ZNF516: variants seen among roughly 807,000 people sequenced by gnomAD.
ZNF516 encodes the protein zinc finger protein 516.
In ZNF516, 19 loss-of-function variants were observed where a neutral mutation model predicts 79.7. The ratio of observed to expected loss-of-function variants is 0.24; its 90% CI spans 0.17 to 0.35. The LOEUF (loss-of-function observed/expected upper bound fraction) is 0.35. Ranked by LOEUF, ZNF516 falls within the 10% of genes least tolerant of loss-of-function variation. ZNF516 has a pLI of 1.00. For synonymous variants in ZNF516, 877 were observed against 739.5 expected (o/e 1.19, Z -3.02); for missense variants, 1,678 against 1,679.5 (o/e 1.00, Z 0.02).
chr18:76,375,218 AAAAC>A (rs1290046102), intron 4 of ZNF516, among the ~76,000 whole-genome samples: 1 of 152,202 alleles, frequency 6.6e-6, no homozygotes, highest in African/African-American at 2.4e-5. Flanking sequence ...AAGGGCGTCA[AAAAC>A]AAACATTCAA....
intron 1 of ZNF516, among the ~76,000 whole-genome samples, chr18:76,468,149 C>G (rs1913603260): frequency 6.6e-6 from 1 of 152,214 alleles, no homozygotes; most frequent in Non-Finnish European, 1.5e-5. Flanking sequence ...TAGAGAACTT[C>G]TGCTCTCTAT....
At chr18:76,445,585 A>G (rs1014240765) in intron 2 of ZNF516, among the ~76,000 whole-genome samples, 1 of 152,272 alleles carries the variant, frequency 6.6e-6, no homozygotes, top group African/African-American at 2.4e-5. Context: ...GAACAATCAT[A>G]TAGAAAATAC....
chr18:76,473,905 G>GTGTGTGGC (rs1555718873), intron 1 of ZNF516, among the ~76,000 whole-genome samples: 1 of 8,288 alleles, frequency 1.2e-4, no homozygotes, highest in Non-Finnish European at 3.5e-4. Context: ...TTTTTGTGTG[G>GTGTGTGGC]GGGGGGGGGG....
intron 3 of ZNF516, among the ~76,000 whole-genome samples, chr18:76,412,175 C>G (rs976267272): frequency 6.6e-6 from 1 of 152,192 alleles, no homozygotes; most frequent in African/African-American, 2.4e-5. Flanking sequence ...ACTAATGATT[C>G]ACAGCTCCCT....
chr18:76,409,632 C>T (rs1263454394), intron 3 of ZNF516, among the ~76,000 whole-genome samples: 1 of 152,268 alleles, frequency 6.6e-6, no homozygotes, highest in African/African-American at 2.4e-5. Context: ...TGCTCAGTGG[C>T]CAGTCTGGAT....
chr18:76,446,736 C>T (rs1912073936), intron 2 of ZNF516, among the ~76,000 whole-genome samples: 1 of 152,240 alleles, frequency 6.6e-6, no homozygotes, highest in Admixed American at 6.5e-5. Context: ...CTGCGATCAA[C>T]AAAGCAAGCT....
rs764547891 is a variant in ZNF516 at position 76,441,398 on chromosome 18, G to A, written c.1657C>T (p.Arg553Trp). Residue 553 changes from arginine to tryptophan, a missense_variant, in exon 3 of 7, where the codon CGG (arginine) becomes TGG (tryptophan). Coordinates refer to ENST00000443185, the MANE Select transcript of ZNF516 (RefSeq NM_014643.4). ...ERDSDGDRAA[R>W]ARCGSLSEGD... ...TCACTGAGTGATCCGCAGCGGGCCC[G>A]CGCCGCCCTGTCCCCGTCACTGTCC... 5.0e-6 allele frequency: 8 copies of A among 1,609,126 alleles called. No homozygotes were observed. Among genetic ancestry groups the A allele is most frequent in the African/African-American group, 1.3e-5 (1 of 74,844 alleles).
intron 3 of ZNF516, chr18:76,386,806 C>T (rs1347072536): frequency 1.3e-5 from 2 of 152,182 alleles, no homozygotes; most frequent in Non-Finnish European, 2.9e-5. Context: ...GACAATTTTA[C>T]CCACACATGT....
rs1223682467 is a variant in ZNF516, at chr18:76,362,368, G to A, written c.*130C>T. Reference sequence around the variant, plus strand: ...CCAGCGCAGCGGCTCGGGATGTGAGGTGTCTGCTCAGGAGTTCCCCGGCTG... The same window carrying A: ...CCAGCGCAGCGGCTCGGGATGTGAGATGTCTGCTCAGGAGTTCCCCGGCTG... On this transcript the variant is annotated 3_prime_UTR_variant, in exon 7 of 7. Transcript: ENST00000443185. The A allele has an allele frequency of 1.3e-6, 1 of 778,910 alleles. No homozygotes were observed. The highest frequency in any genetic ancestry group is 1.7e-5 in the African/African-American group (1 of 57,928). The allele number at this position is 778,910 out of a possible 1,614,324, so 48.2% of individuals were successfully genotyped here.
chr18:76,416,478 G>A (rs946292714), intron 3 of ZNF516, among the ~76,000 whole-genome samples: 9 of 152,156 alleles, frequency 5.9e-5, no homozygotes, highest in African/African-American at 2.2e-4. Flanking sequence ...TACTGTTTGG[G>A]GGTTTGGGGA....
rs1334886306 is a variant in ZNF516 at position 76,361,114 on chromosome 18, G to A, written c.*1384C>T. 1 of 151,666 alleles carries A rather than the reference G, an allele frequency of 6.6e-6. No individual in the cohort carries two copies. Among genetic ancestry groups the A allele is most frequent in the African/African-American group, 2.4e-5 (1 of 41,234 alleles). 9.4% of individuals were successfully genotyped at this position (151,666 alleles called of 1,614,324 possible). ...AATTTCACAATTAAAAAAAAACCTAGTAAAGCTTTTGCAAAAAATTTCACA... is the reference window on the plus strand; with the variant it reads ...AATTTCACAATTAAAAAAAAACCTAATAAAGCTTTTGCAAAAAATTTCACA... On this transcript the variant is annotated 3_prime_UTR_variant, in exon 7 of 7. Transcript: ENST00000443185.
intron 1 of ZNF516, chr18:76,492,431 G>A (rs1915285450): frequency 1.1e-6 from 1 of 940,126 alleles, no homozygotes; most frequent in Non-Finnish European, 1.3e-6. Flanking sequence ...GCGTTCAGGA[G>A]GCGGGTGGGC....
intron 1 of ZNF516, among the ~76,000 whole-genome samples, chr18:76,481,131 C>T (rs1053065551): frequency 1.3e-5 from 2 of 152,196 alleles, no homozygotes; most frequent in Non-Finnish European, 2.9e-5. Context: ...ACCTAGGATC[C>T]AAGGCCACTG....
At chr18:76,495,861 G>A (rs1915462684), upstream of ZNF516, 6 of 605,358 alleles carry the variant, frequency 9.9e-6, no homozygotes, top group South Asian at 1.6e-4. Flanking sequence ...GGGGTGTTCA[G>A]ATGCAGGATC....
At chr18:76,473,633 C>T (rs1174405666) in intron 1 of ZNF516, among the ~76,000 whole-genome samples, 2 of 151,840 alleles carry the variant, frequency 1.3e-5, no homozygotes, top group Non-Finnish European at 2.9e-5. Context: ...AACCCTGTCT[C>T]TACTAAAAAT....
intron 1 of ZNF516, among the ~76,000 whole-genome samples, chr18:76,494,831 C>T (rs1470623162): frequency 1.3e-5 from 2 of 151,324 alleles, no homozygotes; most frequent in Non-Finnish European, 3.0e-5. Flanking sequence ...GCCTCTTCCG[C>T]GCTCCCACCC....
chr18:76,438,426 A>T (rs2075773613), intron 3 of ZNF516, among the ~76,000 whole-genome samples: 1 of 152,136 alleles, frequency 6.6e-6, no homozygotes, highest in African/African-American at 2.4e-5. Context: ...CCTCTTTCTT[A>T]CTAAAAATAT....
chr18:76,415,141 T>A (rs1599051907), intron 3 of ZNF516, among the ~76,000 whole-genome samples: 2 of 151,992 alleles, frequency 1.3e-5, no homozygotes, highest in South Asian at 4.1e-4. Flanking sequence ...AAGGTTGCAG[T>A]GAGCCAGGAT....
intron 4 of ZNF516, among the ~76,000 whole-genome samples, chr18:76,374,490 T>C (rs1002998672): frequency 6.6e-6 from 1 of 152,242 alleles, no homozygotes; most frequent in African/African-American, 2.4e-5. Context: ...AGACTCTTCA[T>C]ATCTACAGAA....
Sources: gnomAD v4.1 joint callset for allele counts (sites outside exome capture counted in the v4.1 genomes callset) on GRCh38, gnomAD v4.1.1 for gene constraint, MANE v1.5 for transcripts, NCBI Gene and HGNC (gene_info 2026-07-23, HGNC 2026-07-21) for gene names.